The following PKD1L3 variants were observed in gnomAD, a reference collection of about 807,000 sequenced individuals.
PKD1L3 encodes the protein polycystin-1-like protein 3.
In PKD1L3, 239 loss-of-function variants were observed where a neutral mutation model predicts 184.1. The observed-to-expected ratio is 1.30, with a 90% CI of 1.17 to 1.45. The LOEUF (loss-of-function observed/expected upper bound fraction) is 1.45. Ranked by LOEUF, PKD1L3 falls within the 40% of genes most tolerant of loss-of-function variation. The pLI, the probability that PKD1L3 is intolerant of heterozygous loss-of-function variation, is 0.00. For synonymous variants in PKD1L3, 996 were observed against 778.8 expected (o/e 1.28, Z -4.64); for missense variants, 2,660 against 2,067.2 (o/e 1.29, Z -5.56).
chr16:71,993,811 G>C (rs573095247), intron 2 of PKD1L3, among the ~76,000 whole-genome samples: 2 of 152,240 alleles, frequency 1.3e-5, no homozygotes, highest in Non-Finnish European at 2.9e-5. Context: ...TTTTTGCTCT[G>C]TTGCCCAGGC....
At chr16:71,963,556 T>G (rs1597329162) in intron 15 of PKD1L3, among the ~76,000 whole-genome samples, 1 of 152,050 alleles carries the variant, frequency 6.6e-6, no homozygotes, top group Non-Finnish European at 1.5e-5. Flanking sequence ...CTGAGGCAGG[T>G]GGATTGCTTG....
chr16:71,948,942 C>G (rs891770180), intron 21 of PKD1L3, among the ~76,000 whole-genome samples: 1 of 151,770 alleles, frequency 6.6e-6, no homozygotes, highest in African/African-American at 2.4e-5. Flanking sequence ...CAGGCTGTCC[C>G]TTTGTATTTA....
At chr16:71,942,009 T>C (rs1329025101) in intron 24 of PKD1L3, among the ~76,000 whole-genome samples, 1 of 151,784 alleles carries the variant, frequency 6.6e-6, no homozygotes, top group African/African-American at 2.4e-5. Flanking sequence ...TAGAAAGCAA[T>C]GGAGCTACAC....
intron 28 of PKD1L3, chr16:71,931,019 T>TTTG (rs1205347479): frequency 6.6e-6 from 1 of 152,232 alleles, no homozygotes; most frequent in Non-Finnish European, 1.5e-5. Context: ...AATCTCTGAG[T>TTTG]TTGTGATACA....
chr16:71,951,125 T>C (rs1011378472), intron 19 of PKD1L3, among the ~76,000 whole-genome samples: 4 of 151,994 alleles, frequency 2.6e-5, no homozygotes, highest in East Asian at 1.9e-4. Context: ...CTGCAACCTC[T>C]GCCTCCTGAG....
At chr16:71,996,877 T>G (rs2040804712) in intron 2 of PKD1L3, among the ~76,000 whole-genome samples, 1 of 151,978 alleles carries the variant, frequency 6.6e-6, no homozygotes, top group Non-Finnish European at 1.5e-5. Context: ...AGGCATTATC[T>G]CTCTACAGGT....
At chr16:71,937,478 T>C in intron 24 of PKD1L3, 59 bp from the exon 25 acceptor site, 5 of 1,522,952 alleles carry the variant, frequency 3.3e-6, no homozygotes, top group Non-Finnish European at 4.4e-6. Context: ...CTCTTCTTGT[T>C]AAACTTTGTC....
At chr16:71,935,212 G>T in intron 26 of PKD1L3, 146 bp downstream of exon 26, 1 of 827,586 alleles carries the variant, frequency 1.2e-6, no homozygotes, top group South Asian at 2.1e-5. Flanking sequence ...TGTCTTCTCT[G>T]CTGTGGACAT....
At chr16:71,976,080 T>G (rs931529287) in intron 11 of PKD1L3, among the ~76,000 whole-genome samples, 57 of 151,954 alleles carry the variant, frequency 3.8e-4, no homozygotes, top group African/African-American at 1.2e-3. Context: ...CCCGAGTAGC[T>G]GGGATTACAT....
intron 11 of PKD1L3, among the ~76,000 whole-genome samples, chr16:71,976,264 C>CTTTTTTTTTTTT (rs71153688): frequency 0.15 from 11,848 of 81,114 alleles, 2,728 homozygotes; most frequent in African/African-American, 0.32. Flanking sequence ...CCCAGCCTGT[C>CTTTTTTTTTTTT]TTTTTTTTTT....
At chr16:71,977,496 A>C (rs1485214772) in intron 10 of PKD1L3, 29 bp from the exon 11 acceptor site, 1 of 1,479,670 alleles carries the variant, frequency 6.8e-7, no homozygotes, top group African/African-American at 1.4e-5. Flanking sequence ...AATCATTATA[A>C]TGGTCCATCC....
intron 2 of PKD1L3, among the ~76,000 whole-genome samples, chr16:71,994,829 G>A (rs1413793174): frequency 1.3e-5 from 2 of 151,938 alleles, no homozygotes; most frequent in African/African-American, 2.4e-5. Flanking sequence ...TGAAACCGCC[G>A]TCTCTACTAA....
intron 25 of PKD1L3, among the ~76,000 whole-genome samples, chr16:71,936,866 T>G (rs1440607616): frequency 1.3e-5 from 2 of 152,188 alleles, no homozygotes; most frequent in Non-Finnish European, 2.9e-5. Flanking sequence ...ACTATTTCTA[T>G]AGACTTAATT....
At chr16:71,935,293 G>C in intron 26 of PKD1L3, 65 bp downstream of exon 26, 1 of 1,449,524 alleles carries the variant, frequency 6.9e-7, no homozygotes. Context: ...AAGAATACTT[G>C]TGTATAAACA....
At chr16:71,948,051 G>C (rs2038688110) in intron 21 of PKD1L3, among the ~76,000 whole-genome samples, 1 of 151,836 alleles carries the variant, frequency 6.6e-6, no homozygotes, top group South Asian at 2.1e-4. Context: ...CGAGTAGCTG[G>C]GACTACAGGT....
intron 24 of PKD1L3, among the ~76,000 whole-genome samples, chr16:71,939,465 T>C (rs904664196): frequency 1.3e-5 from 2 of 152,178 alleles, no homozygotes; most frequent in South Asian, 4.1e-4. Context: ...TGCTGTGACA[T>C]TAGAACTAAG....
intron 12 of PKD1L3, among the ~76,000 whole-genome samples, chr16:71,972,814 T>C (rs1392396880): frequency 6.6e-6 from 1 of 152,204 alleles, no homozygotes; most frequent in African/African-American, 2.4e-5. Context: ...AGGACTTTCA[T>C]CAGGCAGGAT....
chr16:71,977,296 G>A lies in PKD1L3; in HGVS notation c.1699C>T (p.Pro567Ser), dbSNP rs2039965496. 1 of 1,543,040 alleles carries A rather than the reference G, an allele frequency of 6.5e-7. No individual in the cohort carries two copies. ...MTLYLGFQYQ[P>S]NCTHFHLNIT... ...TTCAGGTGGAAGTGAGTGCAGTTAG[G>A]CTGATACTGGAACCCCAGGTAGAGT... Residue 567 changes from proline to serine, a missense_variant, in exon 11 of 30, where the codon CCT becomes TCT. Transcript: ENST00000620267.
chr16:71,955,206 A>G (rs763900375), intron 16 of PKD1L3, among the ~76,000 whole-genome samples: 3 of 152,116 alleles, frequency 2.0e-5, no homozygotes, highest in Non-Finnish European at 2.9e-5. Context: ...GGTTGGAATG[A>G]AAACAGTAGC....
Sources: gnomAD v4.1 joint callset for allele counts (sites outside exome capture counted in the v4.1 genomes callset) on GRCh38, gnomAD v4.1.1 for gene constraint, MANE v1.5 for transcripts, NCBI Gene and HGNC (gene_info 2026-07-23, HGNC 2026-07-21) for gene names.